TRIM67: variants seen among roughly 807,000 people sequenced by gnomAD.
TRIM67 encodes tripartite motif containing 67.
Under a neutral mutation model 71.0 loss-of-function variants are expected in TRIM67, and 39 were observed. The ratio of observed to expected loss-of-function variants is 0.55; its 90% CI spans 0.43 to 0.72. TRIM67 has a LOEUF of 0.72. Ranked by LOEUF, TRIM67 falls within the 30% of genes least tolerant of loss-of-function variation. The pLI, the probability that TRIM67 is intolerant of heterozygous loss-of-function variation, is 0.00. For synonymous variants in TRIM67, 481 were observed against 473.9 expected (o/e 1.01, Z -0.19); for missense variants, 973 against 1,079.2 (o/e 0.90, Z 1.38).
chr1:231,208,915 G>T lies in TRIM67; in HGVS notation c.1820-32G>T. 2.0e-6 allele frequency: 3 copies of T among 1,536,072 alleles called. No homozygotes were observed. The South Asian group carries it at 3.8e-5, about 19-fold the overall frequency. On this transcript the variant is annotated intron_variant, in intron 7 of 9. Transcript: ENST00000366653. ...AAACTACTAGCAAATTCCATCCCCT[G>T]ACCCTGCTCCTCTCACCTCCTCCCT...
Position 231,219,527 on chromosome 1 carries a change from T to C in TRIM67, c.*4087T>C. On this transcript the variant is annotated 3_prime_UTR_variant, in exon 10 of 10. Coordinates refer to ENST00000366653, the MANE Select transcript of TRIM67 (RefSeq NM_001004342.5). Reference sequence around the variant, plus strand: ...AGGGGGCAGGTAGGGGAAAATGGGGTGAGCCACCTCCAACAGATGCCAACC... The same window carrying C: ...AGGGGGCAGGTAGGGGAAAATGGGGCGAGCCACCTCCAACAGATGCCAACC... 1 of 1,070,514 alleles carries C rather than the reference T, an allele frequency of 9.3e-7. No individual in the cohort carries two copies. Among genetic ancestry groups the C allele is most frequent in the Non-Finnish European group, 1.1e-6 (1 of 881,122 alleles). The allele number at this position is 1,070,514 out of a possible 1,614,324, so 66.3% of individuals were successfully genotyped here.
At chr1:231,171,909 A>G (rs963660645) in intron 1 of TRIM67, among the ~76,000 whole-genome samples, 4 of 152,314 alleles carry the variant, frequency 2.6e-5, no homozygotes, top group African/African-American at 9.6e-5. Context: ...AGGCTAGCCA[A>G]CAGAGAGAGA....
At chr1:231,208,876 T>C in intron 7 of TRIM67, 71 bp from the exon 8 acceptor site, 1 of 1,456,874 alleles carries the variant, frequency 6.9e-7, no homozygotes, top group Non-Finnish European at 9.3e-7. Context: ...TGTTTGTGTC[T>C]CTGAGCCGGT....
In TRIM67 at chr1:231,189,966, G is replaced by T. The variant is rs188304787; in HGVS notation, c.1045-7405G>T. Among the ~76,000 whole-genome samples the T allele has an allele frequency of 1.5e-3, 222 of 152,322 alleles. 2 individuals are homozygous for T. The highest frequency in any genetic ancestry group is 2.7e-3 in the Admixed American group (42 of 15,290). On this transcript the variant is annotated intron_variant, in intron 1 of 9. Coordinates refer to ENST00000366653, the MANE Select transcript of TRIM67 (RefSeq NM_001004342.5). ...CCCTTAGAGCCTCCAGAAGGAACCA[G>T]CCCTGCCCATACCTTGATTTTAGGC... is the stretch of plus-strand genomic sequence containing the variant.
chr1:231,163,820 C>T lies in TRIM67; in HGVS notation c.851C>T (p.Pro284Leu). The change falls in exon 1 of 10, where the codon CCG becomes CTG. Residue 284 changes from proline (P) to leucine (L), a missense_variant. Physicochemically the swap from Pro to Leu is moderately conservative, Grantham distance 98. This residue lies in a region of TRIM67 where 795 missense variants were observed against 831.3 expected (regional missense o/e 0.96). Coordinates refer to ENST00000366653, the MANE Select transcript of TRIM67 (RefSeq NM_001004342.5). ...AGCGGAGGCGGCGGCTGCAAGAGCC[C>T]GGGAGGCGCGGGGGCGGGGGCGACT... is the stretch of plus-strand genomic sequence containing the variant. ...APSGGGGCKS[P>L]GGAGAGATGG... is the part of the protein sequence containing the mutation. The T allele has an allele frequency of 6.6e-7, 1 of 1,515,870 alleles. No homozygotes were observed. 93.9% of individuals were successfully genotyped at this position (1,515,870 alleles called of 1,614,324 possible).
chr1:231,175,526 T>G (rs1009836698), intron 1 of TRIM67, among the ~76,000 whole-genome samples: 1 of 152,196 alleles, frequency 6.6e-6, no homozygotes, highest in Non-Finnish European at 1.5e-5. Flanking sequence ...TTGGGCCAGT[T>G]CCCATAAGGG....
At chr1:231,178,851 A>G (rs972475589) in intron 1 of TRIM67, among the ~76,000 whole-genome samples, 3 of 152,232 alleles carry the variant, frequency 2.0e-5, no homozygotes, top group Non-Finnish European at 4.4e-5. Context: ...AGATGAGGTT[A>G]GTAAAAGGTT....
chr1:231,196,195 G>A (rs116424330), intron 1 of TRIM67, among the ~76,000 whole-genome samples: 108 of 152,316 alleles, frequency 7.1e-4, no homozygotes, highest in Middle Eastern at 3.4e-3. Flanking sequence ...CTGACACAGT[G>A]ACGTCTGAGC....
chr1:231,191,795 G>A (rs867655888), intron 1 of TRIM67, among the ~76,000 whole-genome samples: 1 of 152,226 alleles, frequency 6.6e-6, no homozygotes, highest in African/African-American at 2.4e-5. Flanking sequence ...TATGCCCAGT[G>A]TGGGAGAGGA....
chr1:231,179,305 T>C (rs1682838553), intron 1 of TRIM67, among the ~76,000 whole-genome samples: 1 of 152,224 alleles, frequency 6.6e-6, no homozygotes, highest in African/African-American at 2.4e-5. Context: ...AAATGTCTCT[T>C]CTTTGTAAGG....
At chr1:231,184,128 G>A (rs974422212) in intron 1 of TRIM67, 6 of 152,172 alleles carry the variant, frequency 3.9e-5, no homozygotes, top group African/African-American at 1.2e-4. Context: ...ATTCCAACCA[G>A]CAGTTTGCCA....
Position 231,219,842 on chromosome 1 carries a change from G to A in TRIM67, c.*4402G>A. 7.8e-7 allele frequency: 1 copy of A among 1,287,846 alleles called. No individual in the cohort carries two copies. Among genetic ancestry groups the A allele is most frequent in the Non-Finnish European group, 1.0e-6 (1 of 987,708 alleles). The allele number at this position is 1,287,846 out of a possible 1,614,324, so 79.8% of individuals were successfully genotyped here. On this transcript the variant is annotated 3_prime_UTR_variant, in exon 10 of 10. Transcript: ENST00000366653. The stretch of plus-strand genomic sequence containing the variant: ...GGCAGTTCCTCCCAGAAGATCAAAG[G>A]ATCCTGCAGCTTTAACCTAATATCT...
intron 7 of TRIM67, among the ~76,000 whole-genome samples, chr1:231,207,054 G>A (rs909031131): frequency 6.6e-6 from 1 of 152,208 alleles, no homozygotes; most frequent in African/African-American, 2.4e-5. Flanking sequence ...AGGAAGTGCA[G>A]GGCCGGAGGG....
chr1:231,211,204 T>C (rs1341529475), intron 8 of TRIM67, among the ~76,000 whole-genome samples: 2 of 152,094 alleles, frequency 1.3e-5, no homozygotes, highest in East Asian at 1.9e-4. Flanking sequence ...CTCCTGGCCA[T>C]TGGCCACCAC....
chr1:231,175,009 A>G (rs1393970273), intron 1 of TRIM67, among the ~76,000 whole-genome samples: 1 of 152,180 alleles, frequency 6.6e-6, no homozygotes, highest in Non-Finnish European at 1.5e-5. Flanking sequence ...AAATGTTTGG[A>G]TCAAGAAACA....
At chr1:231,202,261 G>C (rs1448809331) in intron 5 of TRIM67, among the ~76,000 whole-genome samples, 4 of 1,658 alleles carry the variant, frequency 2.4e-3, no homozygotes, top group East Asian at 0.025. Context: ...AGAAGGAGGA[G>C]GTGGTGGCGG....
intron 2 of TRIM67, among the ~76,000 whole-genome samples, chr1:231,198,437 A>G (rs1683428608): frequency 6.6e-6 from 1 of 152,164 alleles, no homozygotes; most frequent in Non-Finnish European, 1.5e-5. Context: ...CCCAGGCTAT[A>G]GTGCAATGGC....
chr1:231,199,963 C>G (rs925018065), intron 3 of TRIM67, among the ~76,000 whole-genome samples, 185 bp from the exon 4 acceptor site: 7 of 152,192 alleles, frequency 4.6e-5, no homozygotes, highest in African/African-American at 1.7e-4. Flanking sequence ...AGTGAGTCCA[C>G]TTATTTCCCA....
intron 1 of TRIM67, among the ~76,000 whole-genome samples, chr1:231,169,366 C>G (rs1296813216): frequency 4.2e-4 from 45 of 106,548 alleles, no homozygotes; most frequent in Non-Finnish European, 7.6e-4. Flanking sequence ...CGATTCTTTT[C>G]TCTTTTTTTT....
Sources: gnomAD v4.1 joint callset for allele counts (sites outside exome capture counted in the v4.1 genomes callset) on GRCh38, gnomAD v4.1.1 for gene constraint, gnomAD v4.1.1 regional missense constraint, MANE v1.5 for transcripts, NCBI Gene and HGNC (gene_info 2026-07-23, HGNC 2026-07-21) for gene names.